Variants in PRAMEF20 observed in about 807,000 individuals in gnomAD.
PRAMEF20 encodes the protein PRAME family member 20.
In PRAMEF20, 27 loss-of-function variants were observed where a neutral mutation model predicts 32.4. The observed-to-expected ratio is 0.83, with a 90% CI of 0.61 to 1.15. PRAMEF20 has a LOEUF of 1.15. PRAMEF20 is among the 50% of genes most tolerant of loss of function. The probability of loss-of-function intolerance (pLI) is 0.00; values close to 1 mark genes in which losing one functional copy is unlikely to be tolerated. For synonymous variants in PRAMEF20, 256 were observed against 235.4 expected (o/e 1.09, Z -0.80); for missense variants, 604 against 584.5 (o/e 1.03, Z -0.34).
At chr1:13,418,492 G>T in exon 2 of PRAMEF20, 2 of 1,613,900 alleles carry the variant, frequency 1.2e-6, no homozygotes, top group Non-Finnish European at 1.7e-6. Flanking sequence ...GACACTGCCC[G>T]TCCTGGCAGA....
At chr1:13,421,184 T>A (rs1390679338) in exon 3 of PRAMEF20, 1 of 1,613,780 alleles carries the variant, frequency 6.2e-7, no homozygotes, top group African/African-American at 1.3e-5. Flanking sequence ...GAGGATCTTG[T>A]TCTGTACCGA....
chr1:13,417,683 G>T (rs1279711444), intron 1 of PRAMEF20, among the ~76,000 whole-genome samples: 1 of 151,538 alleles, frequency 6.6e-6, no homozygotes, highest in East Asian at 1.9e-4. Context: ...AAGAAGCAGG[G>T]AAGAGAGCAG....
chr1:13,410,940 C>T, the PRAMEF20 span, among the ~76,000 whole-genome samples: 13 of 151,968 alleles, frequency 8.6e-5, no homozygotes, highest in African/African-American at 2.4e-5. Context: ...CCACTGCAAC[C>T]TCCGCCTCCC....
chr1:13,420,811 G>C, exon 3 of PRAMEF20: 3 of 1,613,956 alleles, frequency 1.9e-6, no homozygotes, highest in South Asian at 2.2e-5. Context: ...CCCTGGACCT[G>C]AGTGGCACCA....
exon 3 of PRAMEF20, chr1:13,421,275 G>A: frequency 6.2e-7 from 1 of 1,613,790 alleles, no homozygotes; most frequent in Non-Finnish European, 8.5e-7. Context: ...GCCTATTTGG[G>A]TGGATATATC....
At chr1:13,411,456 C>A (rs1641113470), upstream of PRAMEF20, among the ~76,000 whole-genome samples, 1 of 152,092 alleles carries the variant, frequency 6.6e-6, no homozygotes, top group Non-Finnish European at 1.5e-5. Flanking sequence ...TTAGAAGTCT[C>A]TACATGCTAG....
At chr1:13,411,458 A>G (rs1361370166), upstream of PRAMEF20, among the ~76,000 whole-genome samples, 1 of 152,168 alleles carries the variant, frequency 6.6e-6, no homozygotes, top group Non-Finnish European at 1.5e-5. Flanking sequence ...AGAAGTCTCT[A>G]CATGCTAGCA....
chr1:13,418,103 C>T lies in PRAMEF20; in HGVS notation c.288-19C>T. 1 of 1,611,908 alleles carries T rather than the reference C, an allele frequency of 6.2e-7. No individual in the cohort carries two copies. The highest frequency in any genetic ancestry group is 2.2e-4 in the Middle Eastern group (1 of 4,474). On this transcript the variant is annotated intron_variant, in intron 1 of 2. Transcript: ENST00000602960. The stretch of plus-strand genomic sequence containing the variant: ...AAGTGAGTCCTTAAATTCTCAGCCT[C>T]TCTTCTATTTTTCCTCAGGAGGTGG...
At chr1:13,420,666 C>G in intron 2 of PRAMEF20, 31 bp from the exon 4 acceptor site, 2 of 1,613,756 alleles carry the variant, frequency 1.2e-6, no homozygotes, top group African/African-American at 1.3e-5. Flanking sequence ...CTACGATTCC[C>G]CAGAACTAAC....
At chr1:13,416,592 G>A (rs1421483341) in exon 1 of PRAMEF20, 1 of 1,614,154 alleles carries the variant, frequency 6.2e-7, no homozygotes, top group Non-Finnish European at 8.5e-7. Context: ...GACCTTCCAA[G>A]CTGTGCTCGA....
chr1:13,418,383 GA>G lies in PRAMEF20; in HGVS notation c.551del (p.Lys184SerfsTer2). ...AAGGTTTAGTACACCTGTGCTGTAA[GA>G]AGCTGAAAATGTTGGGAATGCTCTT... On this transcript the variant is annotated frameshift_variant, in exon 2 of 3. Transcript: ENST00000602960. LOFTEE classifies it high-confidence loss of function. The G allele has an allele frequency of 6.2e-7, 1 of 1,613,890 alleles. No homozygotes were observed. Among genetic ancestry groups the G allele is most frequent in the Non-Finnish European group, 8.5e-7 (1 of 1,179,866 alleles).
exon 2 of PRAMEF20, chr1:13,418,538 G>A (rs1409989552): frequency 1.5e-5 from 25 of 1,613,774 alleles, no homozygotes; most frequent in Non-Finnish European, 1.9e-5. Flanking sequence ...AGGAATCTTC[G>A]GAAGCTCGTT....
chr1:13,416,546 T>C, exon 1 of PRAMEF20: 2 of 1,614,124 alleles, frequency 1.2e-6, no homozygotes, highest in South Asian at 1.1e-5. Flanking sequence ...TCCTCCGCCT[T>C]CCTCTGGGGT....
At chr1:13,410,980 C>A in the PRAMEF20 span, among the ~76,000 whole-genome samples, 1 of 152,060 alleles carries the variant, frequency 6.6e-6, no homozygotes, top group Non-Finnish European at 1.5e-5. Context: ...GCCTCAGCCT[C>A]CTGAGTAGCT....
chr1:13,416,750 G>A, intron 1 of PRAMEF20, 109 bp downstream of exon 2: 17 of 1,586,506 alleles, frequency 1.1e-5, no homozygotes, highest in Non-Finnish European at 1.2e-5. Context: ...GCTTCTAATG[G>A]TTTTGGTGAG....
chr1:13,420,991 T>A, exon 3 of PRAMEF20: 1 of 1,613,730 alleles, frequency 6.2e-7, no homozygotes, highest in South Asian at 1.1e-5. Context: ...TCCGTGGAAA[T>A]CCCATCTCCA....
upstream of PRAMEF20, among the ~76,000 whole-genome samples, chr1:13,415,383 A>C (rs1356115645): frequency 1.3e-5 from 2 of 152,136 alleles, no homozygotes; most frequent in African/African-American, 4.8e-5. Context: ...TGCCCAGCCA[A>C]AGTGGTTCAT....
chr1:13,417,238 T>C (rs937377572), intron 1 of PRAMEF20, among the ~76,000 whole-genome samples: 2 of 152,202 alleles, frequency 1.3e-5, no homozygotes, highest in Non-Finnish European at 2.9e-5. Flanking sequence ...CCATGTTCCA[T>C]TTCTGTCCTA....
At chr1:13,412,061 A>T (rs878915889), upstream of PRAMEF20, among the ~76,000 whole-genome samples, 85,758 of 149,878 alleles carry the variant, frequency 0.57, 24,970 homozygotes, top group South Asian at 0.72. Flanking sequence ...TAATTTAATT[A>T]ATTTATTTAT....
Sources: allele counts gnomAD v4.1 joint callset (sites outside exome capture counted in the v4.1 genomes callset), GRCh38; gene constraint gnomAD v4.1.1; transcripts MANE v1.5; gene names NCBI Gene and HGNC (gene_info 2026-07-23, HGNC 2026-07-21).